EPC2: variants seen among roughly 807,000 people sequenced by gnomAD.
The protein encoded by EPC2 is enhancer of polycomb homolog 2.
A neutral mutation model predicts 92.1 loss-of-function variants in EPC2; 14 were observed. That is an observed-to-expected ratio of 0.15 (90% CI 0.10 to 0.24). The LOEUF is 0.24. Ranked by LOEUF, EPC2 falls within the 10% of genes least tolerant of loss-of-function variation. EPC2 has a pLI of 1.00. For missense variants in EPC2, 755 were observed against 971.5 expected, an observed-to-expected ratio of 0.78 and a Z score of 2.96; for synonymous variants, 340 against 334.7, an observed-to-expected ratio of 1.02 and a Z score of -0.17.
At chr2:148,682,108 A>T (rs1681410484) in intron 1 of EPC2, among the ~76,000 whole-genome samples, 1 of 152,108 alleles carries the variant, frequency 6.6e-6, no homozygotes, top group Non-Finnish European at 1.5e-5. Context: ...CATTTTCTTA[A>T]TCCAGTCTGT....
At chr2:148,680,647 C>T (rs1192791643) in intron 1 of EPC2, among the ~76,000 whole-genome samples, 1 of 151,992 alleles carries the variant, frequency 6.6e-6, no homozygotes, top group Non-Finnish European at 1.5e-5. Context: ...ATGAAGTTGA[C>T]AGAGAAATTG....
intron 1 of EPC2, among the ~76,000 whole-genome samples, chr2:148,684,300 T>A (rs1455504631): frequency 5.3e-5 from 8 of 152,252 alleles, no homozygotes; most frequent in African/African-American, 1.9e-4. Flanking sequence ...TCCCACTCTG[T>A]GGGTTGTCTC....
chr2:148,656,881 G>A (rs114498359), intron 1 of EPC2, among the ~76,000 whole-genome samples: 3,826 of 152,256 alleles, frequency 0.025, 57 homozygotes, highest in East Asian at 0.032. Context: ...TGAAGGACAT[G>A]ATTTGAACCA....
chr2:148,781,745 C>G lies in EPC2; in HGVS notation c.1822C>G (p.Gln608Glu). The stretch of plus-strand genomic sequence containing the variant: ...CCAGCTTCAGCAGAAACAGCAATCT[C>G]AGCATTCCTCGCAACAGACACATCC... ...LAQLQQKQQS[Q>E]HSSQQTHPKA... Residue 608 changes from glutamine to glutamate, a missense_variant, in exon 11 of 14, where the codon CAG (glutamine) becomes GAG (glutamate). Around this residue, in one of 4 missense-constraint regions of EPC2, gnomAD observed 207 missense variants for 260.5 expected, o/e 0.79. Coordinates refer to ENST00000258484, the MANE Select transcript of EPC2 (RefSeq NM_015630.4). The G allele has an allele frequency of 6.2e-7, 1 of 1,613,984 alleles. No individual in the cohort carries two copies. Among genetic ancestry groups the G allele is most frequent in the Non-Finnish European group, 8.5e-7 (1 of 1,179,876 alleles).
chr2:148,730,237 T>G lies in EPC2; in HGVS notation c.314-13385T>G, dbSNP rs978492132. 3.3e-5 allele frequency among the ~76,000 whole-genome samples: 5 copies of G among 152,172 alleles called. No homozygotes were observed. The East Asian group carries it at 7.7e-4, about 23-fold the overall frequency. On this transcript the variant is annotated intron_variant, in intron 2 of 13. Coordinates refer to ENST00000258484, the MANE Select transcript of EPC2 (RefSeq NM_015630.4). ...CATTCAGGGTCTTTTAGTACATGTT[T>G]AAGCTAAAGTTGGAAGCTAGGTCAG...
At chr2:148,697,357 C>G (rs1207840201) in intron 2 of EPC2, among the ~76,000 whole-genome samples, 1 of 151,006 alleles carries the variant, frequency 6.6e-6, no homozygotes, top group African/African-American at 2.4e-5. Flanking sequence ...AGGCAGGTTG[C>G]TTGCTGATAG....
chr2:148,784,788 GCACAAGCAGTCCTCAGA>G lies in EPC2; in HGVS notation c.2142_2158del (p.Ser716HisfsTer14). ...ACAAACCACTTAATCCCAGCATTGT[GCACAAGCAGTCCTCAGA>G]CACTTCCCATGAACAATTCCTGCCT... On this transcript the variant is annotated frameshift_variant, in exon 13 of 14. Transcript: ENST00000258484. LOFTEE classifies it high-confidence loss of function. The G allele has an allele frequency of 6.2e-7, 1 of 1,613,952 alleles. No homozygotes were observed. Among genetic ancestry groups the G allele is most frequent in the Non-Finnish European group, 8.5e-7 (1 of 1,179,878 alleles).
chr2:148,662,828 T>A (rs115579752), intron 1 of EPC2, among the ~76,000 whole-genome samples: 3,822 of 139,182 alleles, frequency 0.027, 58 homozygotes, highest in East Asian at 0.034. Context: ...AATAATAAAA[T>A]TTTTTTAAAA....
intron 3 of EPC2, among the ~76,000 whole-genome samples, chr2:148,746,189 T>C (rs1231595700): frequency 6.6e-6 from 1 of 152,030 alleles, no homozygotes; most frequent in Admixed American, 6.6e-5. Context: ...TGAGTATTTT[T>C]ATAGATATAA....
Position 148,711,745 on chromosome 2 carries a change from C to T in EPC2, c.313+21372C>T, listed in dbSNP as rs187426624. ...TCCTAGCAGTTATATCAATTTTTGCCTCACATAGTTTGTTGCTCTGTCGTT... is the reference window on the plus strand; with the variant it reads ...TCCTAGCAGTTATATCAATTTTTGCTTCACATAGTTTGTTGCTCTGTCGTT... On this transcript the variant is annotated intron_variant, in intron 2 of 13. Coordinates refer to ENST00000258484, the MANE Select transcript of EPC2 (RefSeq NM_015630.4). Among the ~76,000 whole-genome samples, 533 of 152,206 alleles carry T rather than the reference C, an allele frequency of 3.5e-3. 1 individual carries two copies. Among genetic ancestry groups the T allele is most frequent in the Non-Finnish European group, 5.2e-3 (352 of 68,008 alleles).
chr2:148,658,621 A>G (rs1430380238), intron 1 of EPC2, among the ~76,000 whole-genome samples: 1 of 150,906 alleles, frequency 6.6e-6, no homozygotes, highest in African/African-American at 2.4e-5. Flanking sequence ...ATATATATAT[A>G]TATATATATA....
intron 1 of EPC2, among the ~76,000 whole-genome samples, chr2:148,678,140 C>G (rs1217054666): frequency 6.6e-6 from 1 of 152,218 alleles, no homozygotes; most frequent in Admixed American, 6.5e-5. Flanking sequence ...AAAGGTTCTC[C>G]ACGGTCCCCA....
At chr2:148,685,906 TC>T (rs2105369160) in intron 1 of EPC2, among the ~76,000 whole-genome samples, 1 of 152,380 alleles carries the variant, frequency 6.6e-6, no homozygotes, top group Admixed American at 6.5e-5. Flanking sequence ...CTAACGGTCA[TC>T]TGAGCTTTCG....
chr2:148,686,130 A>G (rs1003770666), intron 1 of EPC2, among the ~76,000 whole-genome samples: 7 of 152,182 alleles, frequency 4.6e-5, no homozygotes, highest in African/African-American at 1.7e-4. Context: ...CTTTTTTCAA[A>G]ATTGCATTCT....
intron 1 of EPC2, among the ~76,000 whole-genome samples, chr2:148,658,466 G>A (rs1049114423): frequency 1.3e-5 from 2 of 152,108 alleles, no homozygotes; most frequent in Non-Finnish European, 2.9e-5. Context: ...GGGAGTATAT[G>A]TCAGGTGGGC....
chr2:148,763,390 A>T (rs1683339817), intron 6 of EPC2, among the ~76,000 whole-genome samples: 1 of 152,168 alleles, frequency 6.6e-6, no homozygotes. Context: ...TTTGGTCCTC[A>T]CTTGGTACAT....
intron 2 of EPC2, among the ~76,000 whole-genome samples, chr2:148,696,757 A>G (rs534301774): frequency 2.6e-5 from 4 of 152,274 alleles, no homozygotes; most frequent in African/African-American, 9.6e-5. Flanking sequence ...TAATATCTCC[A>G]TAAATGATTC....
rs995299472 is a variant in EPC2 at position 148,650,540 on chromosome 2, A to G, written c.153+5370A>G. ...TTTTCATACCAGAATGTACCAGTCT[A>G]CATGAATCATGTGATTCACCTTATT... On this transcript the variant is annotated intron_variant, in intron 1 of 13. Coordinates refer to ENST00000258484, the MANE Select transcript of EPC2 (RefSeq NM_015630.4). Among the ~76,000 whole-genome samples, 39 of 152,160 alleles carry G rather than the reference A, an allele frequency of 2.6e-4. 1 individual carries two copies. Among genetic ancestry groups the G allele is most frequent in the Admixed American group, 2.6e-3 (39 of 15,280 alleles).
At chr2:148,695,469 G>A (rs1681728143) in intron 2 of EPC2, among the ~76,000 whole-genome samples, 1 of 152,182 alleles carries the variant, frequency 6.6e-6, no homozygotes, top group Non-Finnish European at 1.5e-5. Context: ...CATTGGAAAA[G>A]AGAAAAAGTT....
Sources: allele counts gnomAD v4.1 joint callset (sites outside exome capture counted in the v4.1 genomes callset), GRCh38; gene constraint gnomAD v4.1.1; regional missense constraint gnomAD v4.1.1; transcripts MANE v1.5; gene names NCBI Gene and HGNC (gene_info 2026-07-23, HGNC 2026-07-21).